Variants in ARCN1 observed in about 807,000 individuals in gnomAD.
ARCN1 encodes the protein coatomer subunit delta.
Under a neutral mutation model 60.4 loss-of-function variants are expected in ARCN1, and 5 were observed. The observed-to-expected ratio is 0.08, with a 90% CI of 0.04 to 0.17. The LOEUF (loss-of-function observed/expected upper bound fraction) is 0.17, where lower values mean the gene tolerates loss of function less well. ARCN1 is among the 10% of genes least tolerant of loss of function. The probability of loss-of-function intolerance (pLI) is 1.00; values close to 1 mark genes in which losing one functional copy is unlikely to be tolerated. For missense variants in ARCN1, 464 were observed against 626.5 expected (o/e 0.74, Z 2.77); for synonymous variants, 224 against 220.0 (o/e 1.02, Z -0.16).
intron 5 of ARCN1, among the ~76,000 whole-genome samples, chr11:118,587,240 ACAGTCAG>A (rs1324921103): frequency 6.6e-6 from 1 of 152,216 alleles, no homozygotes; most frequent in East Asian, 1.9e-4. Context: ...AAAGTTGTTA[ACAGTCAG>A]AAGTCTTCCT....
chr11:118,596,540 G>A (rs918376504), intron 8 of ARCN1, among the ~76,000 whole-genome samples: 1 of 152,184 alleles, frequency 6.6e-6, no homozygotes, highest in African/African-American at 2.4e-5. Context: ...AAAAGAACCA[G>A]GACCCTGAAA....
chr11:118,576,669 C>A (rs1291717437), intron 1 of ARCN1, among the ~76,000 whole-genome samples: 1 of 152,202 alleles, frequency 6.6e-6, no homozygotes, highest in Admixed American at 6.5e-5. Context: ...GGTGACCATA[C>A]CTTCTAGCCA....
chr11:118,601,628 G>C lies in ARCN1; in HGVS notation c.*914G>C, dbSNP rs1357846316. 1 of 702,852 alleles carries C rather than the reference G, an allele frequency of 1.4e-6. No individual in the cohort carries two copies. Among genetic ancestry groups the C allele is most frequent in the Non-Finnish European group, 2.6e-6 (1 of 385,000 alleles). 43.5% of individuals were successfully genotyped at this position (702,852 alleles called of 1,614,324 possible). On this transcript the variant is annotated 3_prime_UTR_variant, in exon 10 of 10. Transcript: ENST00000264028. ...TATTTGAGGGGTATGGGGTCTAGAAGTTAAAAGATACGCATGTCTTCTGTT... is the reference window on the plus strand; with the variant it reads ...TATTTGAGGGGTATGGGGTCTAGAACTTAAAAGATACGCATGTCTTCTGTT...
At chr11:118,593,817 T>A in intron 8 of ARCN1, 119 bp downstream of exon 8, 1 of 578,946 alleles carries the variant, frequency 1.7e-6, no homozygotes, top group East Asian at 3.0e-5. Context: ...TTTAAAAAGC[T>A]AGTTGTGAAA....
At chr11:118,577,118 T>C (rs1938534397) in intron 1 of ARCN1, among the ~76,000 whole-genome samples, 1 of 152,148 alleles carries the variant, frequency 6.6e-6, no homozygotes, top group African/African-American at 2.4e-5. Flanking sequence ...GCCCAGAAGG[T>C]TGAGGCTGCA....
At chr11:118,597,593 A>T in intron 8 of ARCN1, 114 bp from the exon 9 acceptor site, 1 of 1,058,944 alleles carries the variant, frequency 9.4e-7, no homozygotes, top group African/African-American at 1.6e-5. Flanking sequence ...TTCCCCTGAA[A>T]TTGTAGTCCT....
chr11:118,593,569 A>G, intron 7 of ARCN1, 21 bp from the exon 8 acceptor site: 1 of 1,538,494 alleles, frequency 6.5e-7, no homozygotes. Flanking sequence ...TTCTAGTATG[A>G]CTGCTTTGCT....
At chr11:118,583,488 T>G (rs1326867603) in intron 3 of ARCN1, 130 bp downstream of exon 3, 4 of 1,154,126 alleles carry the variant, frequency 3.5e-6, no homozygotes, top group Non-Finnish European at 4.7e-6. Flanking sequence ...GCACAGTGGC[T>G]CATGTCTGTA....
At chr11:118,581,764 T>C (rs1311761204) in intron 2 of ARCN1, among the ~76,000 whole-genome samples, 2 of 152,196 alleles carry the variant, frequency 1.3e-5, no homozygotes, top group African/African-American at 4.8e-5. Context: ...TCTGCCGTTC[T>C]AGTTCTGACA....
rs905883043 is a variant in ARCN1 at position 118,574,301 on chromosome 11, C to G, written c.3+1751C>G. Among the ~76,000 whole-genome samples, 3 of 152,064 alleles carry G rather than the reference C, an allele frequency of 2.0e-5. No individual in the cohort carries two copies. The East Asian group carries it at 5.8e-4, about 29-fold the overall frequency. ...GATTTCTGTGTAATGTTTTTGGGTC[C>G]TGCTCCTTTACAAACAGATCCCTGG... On this transcript the variant is annotated intron_variant, in intron 1 of 9. Coordinates refer to ENST00000264028, the MANE Select transcript of ARCN1 (RefSeq NM_001655.5).
chr11:118,576,016 C>A (rs534092946), intron 1 of ARCN1, among the ~76,000 whole-genome samples: 2 of 150,588 alleles, frequency 1.3e-5, no homozygotes, highest in East Asian at 4.0e-4. Context: ...AATGCTTAGA[C>A]TTACAGAACT....
chr11:118,575,411 G>GGGGTGTGT (rs141671912), intron 1 of ARCN1, among the ~76,000 whole-genome samples: 5 of 149,084 alleles, frequency 3.4e-5, no homozygotes, highest in East Asian at 3.9e-4. Context: ...ACTGATAACG[G>GGGGTGTGT]GTGTGTGTGT....
At position 118,598,663 on chromosome 11, in the gene ARCN1, TTTTGTATA is replaced by T. The variant is rs1939083662; in HGVS notation, c.1446+757_1446+764del. ...GAATGCGCCACCATGCCCTGCTAATTTTTGTATATTTGGTAGAGACGGGGTTTCTCCAT... is the reference window on the plus strand; with the variant it reads ...GAATGCGCCACCATGCCCTGCTAATTTTTGGTAGAGACGGGGTTTCTCCAT... On this transcript the variant is annotated intron_variant, in intron 9 of 9. Transcript: ENST00000264028. Among the ~76,000 whole-genome samples, 5 of 152,040 alleles carry T rather than the reference TTTTGTATA, an allele frequency of 3.3e-5. No homozygotes were observed. The South Asian group carries it at 1.0e-3, about 32-fold the overall frequency.
intron 9 of ARCN1, among the ~76,000 whole-genome samples, chr11:118,600,125 A>C (rs1255469503): frequency 6.6e-6 from 1 of 152,222 alleles, no homozygotes; most frequent in East Asian, 1.9e-4. Context: ...GTAATTAATT[A>C]AGCTGGACAT....
At chr11:118,580,606 A>C (rs1938629043) in intron 1 of ARCN1, among the ~76,000 whole-genome samples, 1 of 152,180 alleles carries the variant, frequency 6.6e-6, no homozygotes, top group African/African-American at 2.4e-5. Flanking sequence ...ATTAGCAATA[A>C]TTTTTAATAT....
rs574255552 is a variant in ARCN1 at position 118,591,920 on chromosome 11, A to T, written c.985-789A>T. Reference sequence around the variant, plus strand: ...CAGCTATTTATTTATTTATTTATTTATTTATTTTTTATTTTTTGAGACGGA... The same window carrying T: ...CAGCTATTTATTTATTTATTTATTTTTTTATTTTTTATTTTTTGAGACGGA... On this transcript the variant is annotated intron_variant, in intron 6 of 9. Coordinates refer to ENST00000264028, the MANE Select transcript of ARCN1 (RefSeq NM_001655.5). 6.2e-3 allele frequency among the ~76,000 whole-genome samples: 933 copies of T among 150,546 alleles called. 14 individuals are homozygous for T. The highest frequency in any genetic ancestry group is 0.021 in the African/African-American group (877 of 40,912).
chr11:118,589,761 T>C (rs1555075975), intron 5 of ARCN1, among the ~76,000 whole-genome samples: 1 of 152,176 alleles, frequency 6.6e-6, no homozygotes, highest in African/African-American at 2.4e-5. Flanking sequence ...GCAGACATGT[T>C]TCTAAACTTT....
At position 118,597,741 on chromosome 11, in the gene ARCN1, G is replaced by A. The variant is rs781853184; in HGVS notation, c.1276G>A (p.Asp426Asn). ...GVGAPVIGEI[D>N]GEYRHDSRRN... ...CGGCGCGCCTGTTATCGGTGAGATC[G>A]ATGGGGAGTATCGACATGACAGTCG... Residue 426 changes from aspartate (D) to asparagine (N), a missense_variant, in exon 9 of 10, where the codon GAT becomes AAT. By Grantham distance (23) the Asp-to-Asn change is conservative (BLOSUM62 1). Around this residue, in one of 2 missense-constraint regions of ARCN1, gnomAD observed 359 missense variants for 440.2 expected, o/e 0.82. Coordinates refer to ENST00000264028, the MANE Select transcript of ARCN1 (RefSeq NM_001655.5). 60 of 1,614,058 alleles carry A rather than the reference G, an allele frequency of 3.7e-5. No homozygotes were observed. In the South Asian group the frequency reaches 6.0e-4, roughly 16 times the overall value.
intron 8 of ARCN1, among the ~76,000 whole-genome samples, chr11:118,595,902 CTA>C (rs1364002234): frequency 1.3e-5 from 2 of 152,122 alleles, no homozygotes; most frequent in African/African-American, 4.8e-5. Flanking sequence ...CCCGTCTCTA[CTA>C]AAAATACAAA....
Sources: gnomAD v4.1 joint callset for allele counts (sites outside exome capture counted in the v4.1 genomes callset) on GRCh38, gnomAD v4.1.1 for gene constraint, gnomAD v4.1.1 regional missense constraint, MANE v1.5 for transcripts, NCBI Gene and HGNC (gene_info 2026-07-23, HGNC 2026-07-21) for gene names.